The following EXOC3L4 variants were observed in gnomAD, a reference collection of about 807,000 sequenced individuals.
The protein encoded by EXOC3L4 is exocyst complex component 3-like protein 4.
Under a neutral mutation model 69.7 loss-of-function variants are expected in EXOC3L4, and 62 were observed. That is an observed-to-expected ratio of 0.89 (90% CI 0.72 to 1.10). The LOEUF is 1.10. Ranked by LOEUF, EXOC3L4 falls within the 50% of genes least tolerant of loss-of-function variation. EXOC3L4 has a pLI of 0.00. For missense variants in EXOC3L4, 1,087 were observed against 1,034.8 expected (o/e 1.05, Z -0.69); for synonymous variants, 502 against 464.2 (o/e 1.08, Z -1.05).
chr14:103,102,390 G>A lies in EXOC3L4; in HGVS notation c.667G>A (p.Glu223Lys), dbSNP rs573862329. Residue 223 changes from glutamate to lysine, a missense_variant, in exon 3 of 12, where the codon GAA (glutamate) becomes AAA (lysine). By Grantham distance (56) the Glu-to-Lys change is moderately conservative. Transcript: ENST00000688303. ...ELARVVSAEE[E>K]AHPSPPDDGD... ...GGCCCGCGTGGTGAGCGCGGAGGAG[G>A]AAGCCCACCCTTCTCCCCCCGACGA... 1.0e-4 allele frequency: 163 copies of A among 1,555,030 alleles called. 1 individual carries two copies. In the South Asian group the frequency reaches 1.8e-3, roughly 18 times the overall value.
chr14:103,106,785 G>A lies in EXOC3L4; in HGVS notation c.1467G>A (p.Arg489=). Residue 489 remains arginine (R), a splice_region_variant and synonymous_variant, in exon 8 of 12, where the codon AGG becomes AGA. Transcript: ENST00000688303. ...GAYINACEEL[R]TSLLSRFPGT... is the part of the protein sequence containing the mutation. Reference sequence around the variant, plus strand: ...ATCGCTGGTCCTGGCCCCTCCCCAGGACCAGTCTTCTCTCCAGGTTCCCAG... The same window carrying A: ...ATCGCTGGTCCTGGCCCCTCCCCAGAACCAGTCTTCTCTCCAGGTTCCCAG... The A allele has an allele frequency of 6.4e-7, 1 of 1,572,912 alleles. No individual in the cohort carries two copies. The highest frequency in any genetic ancestry group is 8.6e-7 in the Non-Finnish European group (1 of 1,158,038).
chr14:103,100,965 C>G (rs1204993648), intron 2 of EXOC3L4, among the ~76,000 whole-genome samples: 1 of 150,144 alleles, frequency 6.7e-6, no homozygotes, highest in Non-Finnish European at 1.5e-5. Flanking sequence ...TGCAGTGACG[C>G]AATCTTGGCT....
At chr14:103,109,168 T>C (rs1395401555) in intron 11 of EXOC3L4, among the ~76,000 whole-genome samples, 4 of 64,524 alleles carry the variant, frequency 6.2e-5, no homozygotes, top group Non-Finnish European at 3.1e-5. Flanking sequence ...CCACCACCTG[T>C]CCCCCGGTCT....
In EXOC3L4 at chr14:103,102,652, A is replaced by C. The variant is rs1461443274; in HGVS notation, c.929A>C (p.Glu310Ala). ...GCGGCGGCCGGCTTCCCAGCGTGGG[A>C]GGTCTATCTGCGTGCCTTCCACAGC... ...AYAAAGFPAW[E>A]VYLRAFHSAV... Residue 310 changes from glutamate (E) to alanine (A), a missense_variant, in exon 3 of 12, where the codon GAG becomes GCG. Glu to Ala is a moderately radical substitution (Grantham distance 107). Coordinates refer to ENST00000688303, the MANE Select transcript of EXOC3L4 (RefSeq NM_001077594.2). The C allele has an allele frequency of 2.7e-6, 4 of 1,500,196 alleles. No homozygotes were observed. The South Asian group carries it at 5.0e-5, about 19-fold the overall frequency. The allele number at this position is 1,500,196 out of a possible 1,614,324, so 92.9% of individuals were successfully genotyped here.
At chr14:103,103,797 C>CGTGTGGGT in intron 3 of EXOC3L4, 144 bp from the exon 4 acceptor site, 1 of 432,430 alleles carries the variant, frequency 2.3e-6, no homozygotes, top group Non-Finnish European at 4.0e-6. Context: ...GGCGCGCGCG[C>CGTGTGGGT]GTGTGTGTGT....
At chr14:103,106,658 C>G (rs1412942157) in intron 7 of EXOC3L4, 127 bp from the exon 8 acceptor site, 2 of 602,422 alleles carry the variant, frequency 3.3e-6, no homozygotes, top group Non-Finnish European at 5.8e-6. Flanking sequence ...TCGCAGACAG[C>G]TACAATGGGG....
At position 103,100,694 on chromosome 14, in the gene EXOC3L4, G is replaced by C. The variant is rs1427880262; in HGVS notation, c.394+81G>C. Reference sequence around the variant, plus strand: ...CAGCTCAGCTGAGGTTTCCGGAAAGGCTGTCCTCCCTAGCTCCCCAAACCC... The same window carrying C: ...CAGCTCAGCTGAGGTTTCCGGAAAGCCTGTCCTCCCTAGCTCCCCAAACCC... On this transcript the variant is annotated intron_variant, in intron 2 of 11. Coordinates refer to ENST00000688303, the MANE Select transcript of EXOC3L4 (RefSeq NM_001077594.2). 9 of 1,467,276 alleles carry C rather than the reference G, an allele frequency of 6.1e-6. 1 individual carries two copies. Among genetic ancestry groups the C allele is most frequent in the Admixed American group, 4.9e-5 (2 of 40,580 alleles). 90.9% of individuals were successfully genotyped at this position (1,467,276 alleles called of 1,614,324 possible).
Position 103,106,795 on chromosome 14 carries a change from C to T in EXOC3L4, c.1477C>T (p.Leu493Phe). Reference sequence around the variant, plus strand: ...CTGGCCCCTCCCCAGGACCAGTCTTCTCTCCAGGTTCCCAGGAACCCAAGA... The same window carrying T: ...CTGGCCCCTCCCCAGGACCAGTCTTTTCTCCAGGTTCCCAGGAACCCAAGA... ...NACEELRTSL[L>F]SRFPGTQEEL... Residue 493 changes from leucine to phenylalanine, a missense_variant, in exon 8 of 12, where the codon CTC (leucine) becomes TTC (phenylalanine). Transcript: ENST00000688303. 1 of 1,582,112 alleles carries T rather than the reference C, an allele frequency of 6.3e-7. No homozygotes were observed. Among genetic ancestry groups the T allele is most frequent in the Non-Finnish European group, 8.6e-7 (1 of 1,163,110 alleles).
Position 103,110,376 on chromosome 14 carries a change from G to A in EXOC3L4, c.*153G>A, listed in dbSNP as rs576158685. 6.2e-4 allele frequency: 577 copies of A among 926,826 alleles called. 2 individuals carry two copies. The African/African-American group carries it at 8.3e-3, about 13-fold the overall frequency. The allele number at this position is 926,826 out of a possible 1,614,324, so 57.4% of individuals were successfully genotyped here. Reference sequence around the variant, plus strand: ...CGTCAGCAGCCAAGCGCAGCTGTCAGGCCAGAAGGAGCAGCCGTGCAGGAG... The same window carrying A: ...CGTCAGCAGCCAAGCGCAGCTGTCAAGCCAGAAGGAGCAGCCGTGCAGGAG... On this transcript the variant is annotated 3_prime_UTR_variant, in exon 12 of 12. Transcript: ENST00000688303.
rs142839498 is a variant in EXOC3L4 at position 103,103,787 on chromosome 14, GGC to G, written c.1050-144_1050-143del. On this transcript the variant is annotated intron_variant, in intron 3 of 11. Transcript: ENST00000688303. Reference sequence around the variant, plus strand: ...AGGGGGTGTGGCATGGCAGCCTAGAGGCGCGCGCGCGTGTGTGTGTGTGTGTG... The same window carrying G: ...AGGGGGTGTGGCATGGCAGCCTAGAGGCGCGCGCGTGTGTGTGTGTGTGTG... 1,808 of 478,330 alleles carry G rather than the reference GGC, an allele frequency of 3.8e-3. 2 individuals carry two copies. The highest frequency in any genetic ancestry group is 0.013 in the African/African-American group (570 of 44,218). 29.6% of individuals were successfully genotyped at this position (478,330 alleles called of 1,614,324 possible). A position where few individuals can be genotyped will look rare whatever the true frequency, so the allele number is the denominator to read the frequency against.
Position 103,102,082 on chromosome 14 carries a change from G to C in EXOC3L4, c.395-36G>C, listed in dbSNP as rs771885841. ...TTCGTCCAGGTTCGGGTCTTGGGGC[G>C]GTCCCTCTCACCGCCCTTCTCGCCC... is the stretch of plus-strand genomic sequence containing the variant. On this transcript the variant is annotated intron_variant, in intron 2 of 11. Coordinates refer to ENST00000688303, the MANE Select transcript of EXOC3L4 (RefSeq NM_001077594.2). 1.2e-5 allele frequency: 19 copies of C among 1,563,772 alleles called. No individual in the cohort carries two copies. The East Asian group carries it at 4.3e-4, about 36-fold the overall frequency.
At chr14:103,101,535 C>T (rs116681487) in intron 2 of EXOC3L4, among the ~76,000 whole-genome samples, 5,856 of 152,280 alleles carry the variant, frequency 0.038, 360 homozygotes, top group African/African-American at 0.13. Flanking sequence ...CTTTCACAGC[C>T]TGGCTCCTGG....
In EXOC3L4 at chr14:103,104,051, AGGTCAGGCCGGGCG is replaced by A; in HGVS notation, c.1161+8_1161+21del. 7 of 1,563,800 alleles carry A rather than the reference AGGTCAGGCCGGGCG, an allele frequency of 4.5e-6. No homozygotes were observed. Among genetic ancestry groups the A allele is most frequent in the Non-Finnish European group, 6.0e-6 (7 of 1,158,794 alleles). ...GAGAGCGACTACACCAGCTTCCTGGAGGTCAGGCCGGGCGGGTCAGGCTGGGCGGGCCAGGCTGG... is the reference window on the plus strand; with the variant it reads ...GAGAGCGACTACACCAGCTTCCTGGAGGTCAGGCTGGGCGGGCCAGGCTGG... On this transcript the variant is annotated splice_donor_variant and splice_donor_5th_base_variant and coding_sequence_variant and intron_variant, in exon 4 of 12. Coordinates refer to ENST00000688303, the MANE Select transcript of EXOC3L4 (RefSeq NM_001077594.2). LOFTEE classifies it high-confidence loss of function.
chr14:103,100,291 T>G lies in EXOC3L4; in HGVS notation c.72T>G (p.Thr24=). The G allele has an allele frequency of 6.3e-7, 1 of 1,580,442 alleles. No homozygotes were observed. Among genetic ancestry groups the G allele is most frequent in the Non-Finnish European group, 8.6e-7 (1 of 1,162,324 alleles). ...CCAAGGAGGCTGAGGAGCCACAGAC[T>G]CCAGCTCAGGGCTCCCGGCGAACAA... ...QSPKEAEEPQ[T]PAQGSRRTSS... The change falls in exon 2 of 12, where the codon ACT becomes ACG. Residue 24 remains threonine, a synonymous_variant. Transcript: ENST00000688303.
At chr14:103,096,184 T>G (rs2139457030) in intron 1 of EXOC3L4, among the ~76,000 whole-genome samples, 1 of 152,090 alleles carries the variant, frequency 6.6e-6, no homozygotes, top group East Asian at 1.9e-4. Flanking sequence ...GAGACCCCTG[T>G]CTCTACAAAA....
Position 103,103,930 on chromosome 14 carries a change from C to G in EXOC3L4, c.1050-11C>G. 3 of 1,534,466 alleles carry G rather than the reference C, an allele frequency of 2.0e-6. No homozygotes were observed. Among genetic ancestry groups the G allele is most frequent in the Non-Finnish European group, 2.6e-6 (3 of 1,144,446 alleles). On this transcript the variant is annotated splice_polypyrimidine_tract_variant and intron_variant, in intron 3 of 11. Transcript: ENST00000688303. ...CCGCTCCCGCCCCCAGCCCCCTGCC[C>G]TGTCTTCCAGTCCTGACTTCCTGGG...
rs1328800617 is a variant in EXOC3L4 at position 103,107,623 on chromosome 14, C to A, written c.1702-8C>A. The A allele has an allele frequency of 6.3e-7, 1 of 1,596,564 alleles. No homozygotes were observed. Among genetic ancestry groups the A allele is most frequent in the African/African-American group, 1.3e-5 (1 of 74,764 alleles). On this transcript the variant is annotated splice_polypyrimidine_tract_variant and splice_region_variant and intron_variant, in intron 9 of 11. Transcript: ENST00000688303. ...CCCTGACCCTGACCCTGACCCTGGGCCGCCCAGGAGACTCTGCAGGAGGTG... is the reference window on the plus strand; with the variant it reads ...CCCTGACCCTGACCCTGACCCTGGGACGCCCAGGAGACTCTGCAGGAGGTG...
chr14:103,108,632 C>T lies in EXOC3L4; in HGVS notation c.1976+115C>T, dbSNP rs1595256747. 2.8e-6 allele frequency: 4 copies of T among 1,417,150 alleles called. No homozygotes were observed. In the South Asian group the frequency reaches 5.4e-5, roughly 19 times the overall value. 87.8% of individuals were successfully genotyped at this position (1,417,150 alleles called of 1,614,324 possible). A position where few individuals can be genotyped will look rare whatever the true frequency, so the allele number is the denominator to read the frequency against. On this transcript the variant is annotated intron_variant, in intron 11 of 11. Transcript: ENST00000688303. ...TGCCCAGGGGCCTGAAGACCAGAGG[C>T]AGGAGGTAGGCCTTGGACCCTCAGA...
intron 1 of EXOC3L4, among the ~76,000 whole-genome samples, chr14:103,095,138 C>A (rs986057672): frequency 3.9e-5 from 6 of 152,230 alleles, no homozygotes; most frequent in African/African-American, 1.4e-4. Context: ...CAGAGTCATG[C>A]ACATACAGGG....
Sources: allele counts gnomAD v4.1 joint callset (sites outside exome capture counted in the v4.1 genomes callset), GRCh38; gene constraint gnomAD v4.1.1; transcripts MANE v1.5; gene names NCBI Gene and HGNC (gene_info 2026-07-23, HGNC 2026-07-21).